PBX1: variants seen among roughly 807,000 people sequenced by gnomAD.
PBX1 encodes PBX homeobox 1.
Under a neutral mutation model 53.4 loss-of-function variants are expected in PBX1, and 6 were observed. The ratio of observed to expected loss-of-function variants is 0.11; its 90% confidence interval spans 0.06 to 0.22. PBX1 has a LOEUF of 0.22. Among genes scored for constraint, PBX1 ranks in the 10% least tolerant of loss-of-function variants. The pLI, the probability that PBX1 is intolerant of heterozygous loss-of-function variation, is 1.00. For synonymous variants in PBX1, 204 were observed against 212.3 expected (o/e 0.96, Z 0.34); for missense variants, 251 against 551.4 (o/e 0.46, Z 5.46).
chr1:164,588,786 T>C (rs1655142635), intron 2 of PBX1, among the ~76,000 whole-genome samples: 1 of 152,102 alleles, frequency 6.6e-6, no homozygotes, highest in Non-Finnish European at 1.5e-5. Context: ...TTTGAGCGCG[T>C]TGCCCCGGCC....
chr1:164,870,623 C>T (rs1672360660), intron 2 of PBX1, among the ~76,000 whole-genome samples: 1 of 152,102 alleles, frequency 6.6e-6, no homozygotes, highest in African/African-American at 2.4e-5. Flanking sequence ...GGATTACAGG[C>T]ATGAGCCACT....
chr1:164,731,970 G>A (rs1013637053), intron 2 of PBX1, among the ~76,000 whole-genome samples: 26 of 152,148 alleles, frequency 1.7e-4, no homozygotes, highest in African/African-American at 5.6e-4. Flanking sequence ...CTCATAGTGC[G>A]TCAACTACCA....
intron 2 of PBX1, among the ~76,000 whole-genome samples, chr1:164,687,446 C>T (rs1662174370): frequency 6.6e-6 from 1 of 151,466 alleles, no homozygotes; most frequent in Non-Finnish European, 1.5e-5. Flanking sequence ...CCTATGGTCC[C>T]AGCTACTGGG....
At chr1:164,682,481 A>G (rs937005930) in intron 2 of PBX1, 3 of 152,102 alleles carry the variant, frequency 2.0e-5, no homozygotes, top group Non-Finnish European at 4.4e-5. Flanking sequence ...GGAAAACAAA[A>G]CCAAACCTCC....
At chr1:164,570,899 C>T (rs1003802691) in intron 2 of PBX1, among the ~76,000 whole-genome samples, 15 of 152,194 alleles carry the variant, frequency 9.9e-5, no homozygotes, top group Admixed American at 5.9e-4. Context: ...GATCGCCATT[C>T]TAACTGGTGA....
chr1:164,822,230 C>T (rs535137829), intron 8 of PBX1, among the ~76,000 whole-genome samples: 25 of 151,984 alleles, frequency 1.6e-4, no homozygotes, highest in African/African-American at 4.8e-4. Flanking sequence ...CAAGGAGAAC[C>T]GAGTGTAGAT....
At chr1:164,680,385 C>T (rs2101994767) in intron 2 of PBX1, 1 of 152,202 alleles carries the variant, frequency 6.6e-6, no homozygotes, top group East Asian at 1.9e-4. Flanking sequence ...ATTTTATTTT[C>T]TTTTTCAACT....
chr1:164,720,561 C>G (rs1470190666), intron 2 of PBX1, among the ~76,000 whole-genome samples: 2 of 152,122 alleles, frequency 1.3e-5, no homozygotes, highest in African/African-American at 2.4e-5. Context: ...ATCTGAGAAC[C>G]CTGGAGGCTT....
chr1:164,568,437 A>T (rs1400471398), intron 2 of PBX1, among the ~76,000 whole-genome samples: 1 of 152,308 alleles, frequency 6.6e-6, no homozygotes, highest in East Asian at 1.9e-4. Flanking sequence ...AGAAGCACCC[A>T]TTCATTTTCA....
chr1:164,635,568 G>A lies in PBX1; in HGVS notation c.265+72257G>A, dbSNP rs183079417. Among the ~76,000 whole-genome samples, 233 of 152,316 alleles carry A rather than the reference G, an allele frequency of 1.5e-3. 2 individuals carry two copies. Among genetic ancestry groups the A allele is most frequent in the African/African-American group, 4.5e-3 (187 of 41,558 alleles). On this transcript the variant is annotated intron_variant, in intron 2 of 8. Coordinates refer to ENST00000420696, the MANE Select transcript of PBX1 (RefSeq NM_002585.4). ...TCTCTTGCCCTTGGGTCTGAGGCGC[G>A]CGCGGGCTGCGCCATTCTCCCGCTC...
At chr1:164,801,390 A>T (rs1226196464) in intron 4 of PBX1, among the ~76,000 whole-genome samples, 1 of 151,514 alleles carries the variant, frequency 6.6e-6, no homozygotes, top group East Asian at 1.9e-4. Flanking sequence ...TATTGCTTAC[A>T]TCTCCATGGT....
intron 2 of PBX1, among the ~76,000 whole-genome samples, chr1:164,614,221 C>T (rs529930815): frequency 3.6e-4 from 55 of 152,238 alleles, no homozygotes; most frequent in South Asian, 2.1e-4. Flanking sequence ...AGCATGTTTT[C>T]GAGACCATTT....
At chr1:164,618,172 G>A (rs1370113564) in intron 2 of PBX1, among the ~76,000 whole-genome samples, 1 of 152,032 alleles carries the variant, frequency 6.6e-6, no homozygotes, top group Non-Finnish European at 1.5e-5. Context: ...AACTCTGTAA[G>A]CAAGACTGAA....
At chr1:164,739,358 C>A (rs1381096009) in intron 2 of PBX1, among the ~76,000 whole-genome samples, 1 of 152,148 alleles carries the variant, frequency 6.6e-6, no homozygotes, top group East Asian at 1.9e-4. Flanking sequence ...TCCACCTCGG[C>A]TGCTGATGTG....
chr1:164,563,407 G>T, intron 2 of PBX1, 96 bp downstream of exon 2: 1 of 737,972 alleles, frequency 1.4e-6, no homozygotes, highest in Non-Finnish European at 2.2e-6. Context: ...TAAAATTTCA[G>T]AATACAAGTA....
At chr1:164,715,575 C>T (rs1175093561) in intron 2 of PBX1, among the ~76,000 whole-genome samples, 1 of 152,142 alleles carries the variant, frequency 6.6e-6, no homozygotes, top group Admixed American at 6.5e-5. Flanking sequence ...TATCTAACTC[C>T]TGTTGTTGTC....
intron 3 of PBX1, among the ~76,000 whole-genome samples, chr1:164,793,826 T>C (rs1162737772): frequency 6.6e-6 from 1 of 151,756 alleles, no homozygotes; most frequent in Non-Finnish European, 1.5e-5. Flanking sequence ...TTTCTTCTTT[T>C]CTTTCCTTTG....
chr1:164,799,580 T>G, intron 3 of PBX1, 119 bp from the exon 4 acceptor site: 1 of 809,724 alleles, frequency 1.2e-6, no homozygotes, highest in Non-Finnish European at 1.9e-6. Flanking sequence ...CCACAAACTA[T>G]CCTAGTTTTC....
intron 8 of PBX1, among the ~76,000 whole-genome samples, chr1:164,824,971 T>C (rs1207534886): frequency 6.6e-6 from 1 of 152,200 alleles, no homozygotes; most frequent in African/African-American, 2.4e-5. Flanking sequence ...AATTTTGTCA[T>C]TCGTTGCTCA....
Sources: allele counts gnomAD v4.1 joint callset (sites outside exome capture counted in the v4.1 genomes callset), GRCh38; gene constraint gnomAD v4.1.1; transcripts MANE v1.5; gene names NCBI Gene and HGNC (gene_info 2026-07-23, HGNC 2026-07-21).